GABRA5: variants seen among roughly 807,000 people sequenced by gnomAD.
GABRA5 encodes gamma-aminobutyric acid receptor subunit alpha-5.
A neutral mutation model predicts 47.3 loss-of-function variants in GABRA5; 18 were observed. The ratio of observed to expected loss-of-function variants is 0.38; its 90% confidence interval spans 0.26 to 0.56. GABRA5 has a LOEUF of 0.56. GABRA5 is among the 20% of genes least tolerant of loss of function. The pLI is 0.71. For missense variants in GABRA5, 365 were observed against 599.3 expected, an observed-to-expected ratio of 0.61 and a Z score of 4.08; for synonymous variants, 237 against 229.3, an observed-to-expected ratio of 1.03 and a Z score of -0.30.
chr15:26,894,002 A>T (rs1477666541), intron 6 of GABRA5, among the ~76,000 whole-genome samples: 1 of 152,078 alleles, frequency 6.6e-6, no homozygotes, highest in Non-Finnish European at 1.5e-5. Context: ...TTGGGCCTCC[A>T]GGAGTGTTAG....
At chr15:26,945,592 C>A (rs534302680) in intron 10 of GABRA5, among the ~76,000 whole-genome samples, 1 of 152,168 alleles carries the variant, frequency 6.6e-6, no homozygotes, top group Non-Finnish European at 1.5e-5. Context: ...GGGCTTTAGA[C>A]TCCTGCCTCG....
At chr15:26,940,174 TGCC>T in intron 9 of GABRA5, 97 bp downstream of exon 9, 1 of 1,025,308 alleles carries the variant, frequency 9.8e-7, no homozygotes, top group Non-Finnish European at 1.4e-6. Flanking sequence ...CTTCTAGTGC[TGCC>T]TCTTTGTTGT....
chr15:26,939,246 G>A (rs746071699), intron 8 of GABRA5: 66 of 765,174 alleles, frequency 8.6e-5, no homozygotes, highest in South Asian at 8.3e-4. Flanking sequence ...CCAGTTCACC[G>A]TGAGGACGGC....
intron 6 of GABRA5, among the ~76,000 whole-genome samples, chr15:26,914,551 C>A (rs1893676441): frequency 6.6e-6 from 1 of 152,152 alleles, no homozygotes; most frequent in South Asian, 2.1e-4. Flanking sequence ...AATTGCTTTA[C>A]AAGCAGTAAT....
chr15:26,913,182 CAAAAA>C (rs34449696), intron 6 of GABRA5, among the ~76,000 whole-genome samples: 1 of 115,386 alleles, frequency 8.7e-6, no homozygotes, highest in Non-Finnish European at 1.9e-5. Context: ...GACTCTGTCT[CAAAAA>C]AAAAAAAAAA....
Position 26,914,924 on chromosome 15 carries a change from T to A in GABRA5, c.580+39T>A, listed in dbSNP as rs749791625. 2.0e-6 allele frequency: 3 copies of A among 1,504,932 alleles called. No homozygotes were observed. The East Asian group carries it at 6.8e-5, about 34-fold the overall frequency. 93.2% of individuals were successfully genotyped at this position (1,504,932 alleles called of 1,614,324 possible). On this transcript the variant is annotated intron_variant, in intron 7 of 10. Coordinates refer to ENST00000335625, the MANE Select transcript of GABRA5 (RefSeq NM_000810.4). ...ACAAGTAAGAGCCTTGGACATATAC[T>A]TTGGGGATCAATTCCACATTTATTC...
At chr15:26,871,722 T>C (rs1892477285) in intron 3 of GABRA5, among the ~76,000 whole-genome samples, 3 of 152,176 alleles carry the variant, frequency 2.0e-5, no homozygotes, top group Admixed American at 2.0e-4. Context: ...TCCTACCCAA[T>C]ACATGATCAC....
At chr15:26,911,396 C>A (rs990074057) in intron 6 of GABRA5, among the ~76,000 whole-genome samples, 15 of 127,950 alleles carry the variant, frequency 1.2e-4, no homozygotes, top group Middle Eastern at 4.1e-3. Flanking sequence ...CACACACACA[C>A]AAACACACAC....
At chr15:26,937,378 C>T in intron 8 of GABRA5, 50 bp downstream of exon 8, 1 of 1,531,802 alleles carries the variant, frequency 6.5e-7, no homozygotes, top group African/African-American at 1.4e-5. Flanking sequence ...GGACACCACA[C>T]CCTTGGAGAG....
At chr15:26,884,815 C>T (rs566873766) in intron 6 of GABRA5, among the ~76,000 whole-genome samples, 4 of 152,328 alleles carry the variant, frequency 2.6e-5, no homozygotes, top group South Asian at 4.1e-4. Flanking sequence ...TTACCAACGG[C>T]GCGGTGCAGT....
chr15:26,932,553 G>A (rs998687705), intron 7 of GABRA5, among the ~76,000 whole-genome samples: 6 of 152,210 alleles, frequency 3.9e-5, no homozygotes, highest in Non-Finnish European at 5.9e-5. Flanking sequence ...GAAAGACAGC[G>A]TGGTGATTCC....
intron 6 of GABRA5, among the ~76,000 whole-genome samples, chr15:26,893,772 G>T (rs1458934393): frequency 1.3e-5 from 2 of 152,042 alleles, no homozygotes; most frequent in East Asian, 3.9e-4. Context: ...CAGGCGGTGG[G>T]CACGGAGTCT....
intron 7 of GABRA5, among the ~76,000 whole-genome samples, chr15:26,932,105 A>G (rs1258324940): frequency 1.3e-5 from 2 of 152,224 alleles, no homozygotes; most frequent in South Asian, 2.1e-4. Flanking sequence ...CAAAAAATGC[A>G]AAAATTGACA....
At chr15:26,892,399 G>C (rs548746016) in intron 6 of GABRA5, among the ~76,000 whole-genome samples, 15 of 151,544 alleles carry the variant, frequency 9.9e-5, no homozygotes, top group African/African-American at 3.4e-4. Flanking sequence ...CCTTCTCCGG[G>C]CCCTACCCAG....
At chr15:26,907,373 A>AATAGGTC (rs1893469824) in intron 6 of GABRA5, among the ~76,000 whole-genome samples, 1 of 152,192 alleles carries the variant, frequency 6.6e-6, no homozygotes, top group South Asian at 2.1e-4. Flanking sequence ...TTATGTATAA[A>AATAGGTC]ATAGGTCAAT....
At chr15:26,899,200 G>C (rs947368742) in intron 6 of GABRA5, among the ~76,000 whole-genome samples, 3 of 152,122 alleles carry the variant, frequency 2.0e-5, no homozygotes, top group African/African-American at 7.2e-5. Flanking sequence ...TGTACTCTTT[G>C]ACCCATTTGT....
chr15:26,894,853 G>A lies in GABRA5; in HGVS notation c.497+11296G>A, dbSNP rs545406799. On this transcript the variant is annotated intron_variant, in intron 6 of 10. Transcript: ENST00000335625. ...CCAATGTTTTTGTCTTCCAGTCTCCGTCTTGAGTATCTTTTCTGTAAATTC... is the reference window on the plus strand; with the variant it reads ...CCAATGTTTTTGTCTTCCAGTCTCCATCTTGAGTATCTTTTCTGTAAATTC... Among the ~76,000 whole-genome samples the A allele has an allele frequency of 3.3e-5, 5 of 152,130 alleles. No homozygotes were observed. In the South Asian group the frequency reaches 1.0e-3, roughly 32 times the overall value.
At chr15:26,934,826 C>T (rs1894197659) in intron 7 of GABRA5, among the ~76,000 whole-genome samples, 2 of 152,124 alleles carry the variant, frequency 1.3e-5, no homozygotes, top group South Asian at 2.1e-4. Context: ...TGCCACCTCC[C>T]ACTCAGGATT....
intron 3 of GABRA5, among the ~76,000 whole-genome samples, chr15:26,875,792 C>CAAAAA (rs1310413009): frequency 6.6e-6 from 1 of 152,026 alleles, no homozygotes; most frequent in Non-Finnish European, 1.5e-5. Flanking sequence ...GGACAGTTGA[C>CAAAAA]TTTTATCTGG....
Sources: gnomAD v4.1 joint callset for allele counts (sites outside exome capture counted in the v4.1 genomes callset) on GRCh38, gnomAD v4.1.1 for gene constraint, MANE v1.5 for transcripts, NCBI Gene and HGNC (gene_info 2026-07-23, HGNC 2026-07-21) for gene names.